TMEM94: variants seen among roughly 807,000 people sequenced by gnomAD.
TMEM94 encodes ER Mg2+ ATPase.
A neutral mutation model predicts 158.6 loss-of-function variants in TMEM94; 81 were observed. That is an observed-to-expected ratio of 0.51 (90% confidence interval 0.43 to 0.61). TMEM94 has a LOEUF of 0.61. TMEM94 is among the 20% of genes least tolerant of loss of function. The pLI is 0.00. For missense variants in TMEM94, 1,435 were observed against 1,762.0 expected (o/e 0.81, Z 3.32); for synonymous variants, 751 against 730.7 (o/e 1.03, Z -0.45).
At position 75,488,086 on chromosome 17, in the gene TMEM94, A is replaced by C; in HGVS notation, c.564A>C (p.Ile188=). ...PVSLLVEGDI[I]ALRPGQESFA... The stretch of plus-strand genomic sequence containing the variant: ...GCCTGCTGGTTGAAGGAGACATCAT[A>C]GCTTTGAGGCCTGGCCAGGAATCGT... Residue 188 remains isoleucine, a synonymous_variant, in exon 6 of 32, where the codon ATA becomes ATC. Transcript: ENST00000314256. The C allele has an allele frequency of 3.7e-6, 6 of 1,614,184 alleles. No homozygotes were observed. Among genetic ancestry groups the C allele is most frequent in the Non-Finnish European group, 5.1e-6 (6 of 1,180,018 alleles).
In TMEM94 at chr17:75,498,382, C is replaced by A. The variant is rs1288941002; in HGVS notation, c.3638+59C>A. ...TGCCTCGCCTCGAGGCTTCCTCCCT[C>A]CCCACCCCAGCCTACCTCCCTGCGG... is the stretch of plus-strand genomic sequence containing the variant. On this transcript the variant is annotated intron_variant, in intron 28 of 31. Coordinates refer to ENST00000314256, the MANE Select transcript of TMEM94 (RefSeq NM_014738.6). This position sits in a 1 kb window ranked among gnomAD's most constrained non-coding sequence, Gnocchi z 6.7. The A allele has an allele frequency of 1.2e-6, 2 of 1,611,462 alleles. No individual in the cohort carries two copies. The highest frequency in any genetic ancestry group is 1.7e-6 in the Non-Finnish European group (2 of 1,178,808).
intron 1 of TMEM94, among the ~76,000 whole-genome samples, chr17:75,458,853 C>T (rs1245944844): frequency 6.6e-6 from 1 of 151,802 alleles, no homozygotes; most frequent in Non-Finnish European, 1.5e-5. Context: ...GTCAGGAGAT[C>T]AAGACCATCC....
chr17:75,495,884 T>C lies in TMEM94; in HGVS notation c.2945-82T>C. The C allele has an allele frequency of 9.6e-7, 1 of 1,039,918 alleles. No individual in the cohort carries two copies. Among genetic ancestry groups the C allele is most frequent in the Non-Finnish European group, 1.5e-6 (1 of 680,996 alleles). 64.4% of individuals were successfully genotyped at this position (1,039,918 alleles called of 1,614,324 possible). A position where few individuals can be genotyped will look rare whatever the true frequency, so the allele number is the denominator to read the frequency against. ...GGGCCCACCTCCCATCGCCTCCTGC[T>C]CTCCTGTCCCATGGGTCTCTGCCCA... On this transcript the variant is annotated intron_variant, in intron 22 of 31. Transcript: ENST00000314256. The surrounding 1 kb of genome is among the most constrained non-coding windows in gnomAD (Gnocchi z 5.6).
chr17:75,467,765 C>G (rs1194117307), intron 1 of TMEM94, among the ~76,000 whole-genome samples: 1 of 151,690 alleles, frequency 6.6e-6, no homozygotes, highest in Non-Finnish European at 1.5e-5. Context: ...ATCTCCTGAC[C>G]TCGTGATCCA....
intron 16 of TMEM94, 32 bp downstream of exon 16, chr17:75,493,134 C>A (rs140414917): frequency 6.2e-7 from 1 of 1,602,234 alleles, no homozygotes. Context: ...CAGCACCAGG[C>A]GAGACCTTCC....
Position 75,498,405 on chromosome 17 carries a change from C to T in TMEM94, c.3639-39C>T, listed in dbSNP as rs373468252. The T allele has an allele frequency of 1.4e-4, 233 of 1,607,638 alleles. No homozygotes were observed. In the African/African-American group the frequency reaches 2.2e-3, roughly 15 times the overall value. ...CTCCCCACCCCAGCCTACCTCCCTGCGGCCCTAGAGGGGCTGAGCCCATGC... is the reference window on the plus strand; with the variant it reads ...CTCCCCACCCCAGCCTACCTCCCTGTGGCCCTAGAGGGGCTGAGCCCATGC... On this transcript the variant is annotated intron_variant, in intron 28 of 31. Coordinates refer to ENST00000314256, the MANE Select transcript of TMEM94 (RefSeq NM_014738.6). The surrounding 1 kb of genome is among the most constrained non-coding windows in gnomAD (Gnocchi z 6.7).
At position 75,492,540 on chromosome 17, in the gene TMEM94, A is replaced by G; in HGVS notation, c.1663A>G (p.Met555Val). 6.2e-7 allele frequency: 1 copy of G among 1,613,416 alleles called. No individual in the cohort carries two copies. The highest frequency in any genetic ancestry group is 2.2e-5 in the East Asian group (1 of 44,848). ...EDFVCDYHLE[M>V]LSLSQDQQNP... ...CTTTGTGTGTGACTACCACCTGGAG[A>G]TGCTGAGCCTGTCCCAGGACCAGCA... The change falls in exon 15 of 32, where the codon ATG (methionine) becomes GTG (valine). Residue 555 changes from methionine (M) to valine (V), a missense_variant. By Grantham distance (21) the Met-to-Val change is conservative (BLOSUM62 1). This residue lies in a region of TMEM94 where 1,051 missense variants were observed against 1,254.4 expected (regional missense o/e 0.84). Coordinates refer to ENST00000314256, the MANE Select transcript of TMEM94 (RefSeq NM_014738.6). This position sits in a 1 kb window ranked among gnomAD's most constrained non-coding sequence, Gnocchi z 4.4.
chr17:75,474,388 C>T (rs996006153), intron 2 of TMEM94, among the ~76,000 whole-genome samples: 2 of 152,168 alleles, frequency 1.3e-5, no homozygotes, highest in African/African-American at 4.8e-5. Flanking sequence ...CACCTGTAAT[C>T]CCAGCACTTT....
chr17:75,497,303 AC>A lies in TMEM94; in HGVS notation c.3407+107del, dbSNP rs1337678857. 4.0e-6 allele frequency: 3 copies of A among 758,888 alleles called. No individual in the cohort carries two copies. In the African/African-American group the frequency reaches 5.8e-5, roughly 15 times the overall value. 47.0% of individuals were successfully genotyped at this position (758,888 alleles called of 1,614,324 possible). On this transcript the variant is annotated intron_variant, in intron 26 of 31. Transcript: ENST00000314256. Reference sequence around the variant, plus strand: ...AAGGTTCTGGAACTGCTCAGGTCTCACCTCCTCTGGTACAGGAGGCATGGAG... The same window carrying A: ...AAGGTTCTGGAACTGCTCAGGTCTCACTCCTCTGGTACAGGAGGCATGGAG...
At position 75,494,611 on chromosome 17, in the gene TMEM94, T is replaced by G; in HGVS notation, c.2408-16T>G. 1 of 1,612,310 alleles carries G rather than the reference T, an allele frequency of 6.2e-7. No individual in the cohort carries two copies. Among genetic ancestry groups the G allele is most frequent in the Non-Finnish European group, 8.5e-7 (1 of 1,179,326 alleles). ...GGTGTCCTGATCGGGCTGTGTCCTG[T>G]GTGTCCTGCCTGAAGAAGGGATCGG... On this transcript the variant is annotated splice_polypyrimidine_tract_variant and intron_variant, in intron 18 of 31. Coordinates refer to ENST00000314256, the MANE Select transcript of TMEM94 (RefSeq NM_014738.6).
rs377207578 is a variant in TMEM94, at chr17:75,491,943, C to T, written c.1596+43C>T. On this transcript the variant is annotated intron_variant, in intron 14 of 31. Coordinates refer to ENST00000314256, the MANE Select transcript of TMEM94 (RefSeq NM_014738.6). This position sits in a 1 kb window ranked among gnomAD's most constrained non-coding sequence, Gnocchi z 5.1. ...CACGGGGCAGCCACACCCTCGGCCA[C>T]AGGCTGTCCTGGCCTCCCTGGCCAG... The T allele has an allele frequency of 1.0e-4, 157 of 1,564,326 alleles. 1 individual carries two copies. The highest frequency in any genetic ancestry group is 2.0e-4 in the South Asian group (17 of 87,010).
chr17:75,479,570 G>A (rs901522363), intron 2 of TMEM94, among the ~76,000 whole-genome samples: 1 of 151,746 alleles, frequency 6.6e-6, no homozygotes, highest in Non-Finnish European at 1.5e-5. Context: ...CCCCTGCCTC[G>A]GCCTCCCAAA....
chr17:75,487,867 C>T lies in TMEM94; in HGVS notation c.410-65C>T. The T allele has an allele frequency of 7.3e-7, 1 of 1,372,322 alleles. No homozygotes were observed. Among genetic ancestry groups the T allele is most frequent in the South Asian group, 1.2e-5 (1 of 82,814 alleles). 85.0% of individuals were successfully genotyped at this position (1,372,322 alleles called of 1,614,324 possible). A position where few individuals can be genotyped will look rare whatever the true frequency, so the allele number is the denominator to read the frequency against. On this transcript the variant is annotated intron_variant, in intron 5 of 31. Transcript: ENST00000314256. The surrounding 1 kb of genome is among the most constrained non-coding windows in gnomAD (Gnocchi z 4.6). ...GCAGACAGTGCTTCCGGAAGTGCTG[C>T]TGTATCTGACTGGGGGGCAGGGCCG...
rs1230233393 is a variant in TMEM94 at position 75,462,001 on chromosome 17, G to GTTTTTTTTTTTTTTTTT, written c.-107+5254_-107+5255insTTTTTTTTTTTTTTTTT. 1.9e-3 allele frequency among the ~76,000 whole-genome samples: 164 copies of GTTTTTTTTTTTTTTTTT among 85,652 alleles called. 24 individuals carry two copies. Among genetic ancestry groups the GTTTTTTTTTTTTTTTTT allele is most frequent in the Non-Finnish European group, 2.3e-3 (110 of 48,610 alleles). 56.2% of individuals were successfully genotyped at this position (85,652 alleles called of 152,430 possible). A position where few individuals can be genotyped will look rare whatever the true frequency, so the allele number is the denominator to read the frequency against. Reference sequence around the variant, plus strand: ...TAAATTTTACAGTTTTTTTTGTTTTGTTTTGTTTTGTTTTTTTTTTTTTTG... The same window carrying GTTTTTTTTTTTTTTTTT: ...TAAATTTTACAGTTTTTTTTGTTTTGTTTTTTTTTTTTTTTTTTTTTGTTTTGTTTTTTTTTTTTTTG... On this transcript the variant is annotated intron_variant, in intron 1 of 31. Coordinates refer to ENST00000314256, the MANE Select transcript of TMEM94 (RefSeq NM_014738.6).
In TMEM94 at chr17:75,499,286, ACAGAAGCTG is replaced by A; in HGVS notation, c.4027_4035del (p.Lys1343_Gln1345del). ...GGGTCCGAGTCCGCTACCAGAAGCG[ACAGAAGCTG>A]CAGTTTGAAACTAAGCTGGGCATGA... On this transcript the variant is annotated inframe_deletion, in exon 32 of 32. Transcript: ENST00000314256. 6.2e-7 allele frequency: 1 copy of A among 1,613,686 alleles called. No homozygotes were observed. The highest frequency in any genetic ancestry group is 1.1e-5 in the South Asian group (1 of 91,082).
At chr17:75,494,011 C>A in intron 18 of TMEM94, 95 bp downstream of exon 18, 3 of 1,221,892 alleles carry the variant, frequency 2.5e-6, no homozygotes, top group Admixed American at 2.2e-5. Flanking sequence ...GCCCCGGCAC[C>A]CCCCACAGCA....
At chr17:75,497,339 T>C in intron 26 of TMEM94, 141 bp downstream of exon 26, 3 of 429,626 alleles carry the variant, frequency 7.0e-6, no homozygotes, top group Non-Finnish European at 1.2e-5. Context: ...GGGAACCCCC[T>C]TTGTCTTTTT....
intron 4 of TMEM94, 27 bp from the exon 5 acceptor site, chr17:75,486,263 G>T (rs754262540): frequency 1.9e-6 from 3 of 1,613,402 alleles, no homozygotes; most frequent in Non-Finnish European, 2.5e-6. Context: ...ACTCCCTGTG[G>T]GTGCGGCCTC....
In TMEM94 at chr17:75,472,733, T is replaced by A. The variant is rs2050545305; in HGVS notation, c.24+804T>A. On this transcript the variant is annotated intron_variant, in intron 2 of 31. Coordinates refer to ENST00000314256, the MANE Select transcript of TMEM94 (RefSeq NM_014738.6). ...TACCACCTACTTAACCTTTAGTGTG[T>A]ACAAAGCCCTCCAGAATCCTGCTCC... 2.0e-5 allele frequency among the ~76,000 whole-genome samples: 3 copies of A among 152,210 alleles called. No individual in the cohort carries two copies. In the South Asian group the frequency reaches 6.2e-4, roughly 32 times the overall value.
Sources: gnomAD v4.1 joint callset for allele counts (sites outside exome capture counted in the v4.1 genomes callset) on GRCh38, gnomAD v4.1.1 for gene constraint, gnomAD v4.1.1 regional missense constraint, Gnocchi (gnomAD v3.1) non-coding constraint, MANE v1.5 for transcripts, NCBI Gene and HGNC (gene_info 2026-07-23, HGNC 2026-07-21) for gene names.